EPB41L4B: variants seen among roughly 807,000 people sequenced by gnomAD.
The protein encoded by EPB41L4B is band 4.1-like protein 4B.
A neutral mutation model predicts 112.5 loss-of-function variants in EPB41L4B; 30 were observed. The ratio of observed to expected loss-of-function variants is 0.27; its 90% CI spans 0.20 to 0.36. The LOEUF (loss-of-function observed/expected upper bound fraction) is 0.36. EPB41L4B is among the 10% of genes least tolerant of loss of function. The pLI is 1.00. For missense variants in EPB41L4B, 1,024 were observed against 1,133.3 expected, an observed-to-expected ratio of 0.90 and a Z score of 1.38; for synonymous variants, 408 against 439.7, an observed-to-expected ratio of 0.93 and a Z score of 0.90.
At chr9:109,212,967 A>G (rs1833236759) in intron 17 of EPB41L4B, among the ~76,000 whole-genome samples, 2 of 152,196 alleles carry the variant, frequency 1.3e-5, no homozygotes, top group African/African-American at 4.8e-5. Flanking sequence ...GGCAAAGAAA[A>G]CGAGGAAGCA....
intron 5 of EPB41L4B, among the ~76,000 whole-genome samples, chr9:109,263,485 T>C (rs1205082306): frequency 1.3e-5 from 2 of 152,212 alleles, no homozygotes; most frequent in African/African-American, 4.8e-5. Context: ...TGCCTTCAAA[T>C]CTTTCTTGAA....
At chr9:109,187,068 G>C (rs1245846527) in intron 22 of EPB41L4B, among the ~76,000 whole-genome samples, 1 of 152,194 alleles carries the variant, frequency 6.6e-6, no homozygotes, top group Non-Finnish European at 1.5e-5. Flanking sequence ...GAGGATGCTT[G>C]ATGTTAGGAG....
intron 6 of EPB41L4B, among the ~76,000 whole-genome samples, chr9:109,262,460 T>TGG (rs1218821826): frequency 1.3e-5 from 2 of 151,404 alleles, no homozygotes; most frequent in Admixed American, 1.3e-4. Context: ...GGGGTGTGTG[T>TGG]GTGTGTGTGT....
intron 2 of EPB41L4B, among the ~76,000 whole-genome samples, chr9:109,271,961 A>G (rs1835638151): frequency 6.6e-6 from 1 of 152,218 alleles, no homozygotes; most frequent in African/African-American, 2.4e-5. Flanking sequence ...TTCTGGAAAT[A>G]TGACACCCAT....
chr9:109,285,691 C>G (rs774790444), intron 1 of EPB41L4B, among the ~76,000 whole-genome samples: 4 of 152,106 alleles, frequency 2.6e-5, no homozygotes, highest in Non-Finnish European at 5.9e-5. Flanking sequence ...AAACCACCAT[C>G]TCTCACTCTT....
chr9:109,209,640 C>T (rs1447807658), intron 17 of EPB41L4B, among the ~76,000 whole-genome samples: 1 of 134,902 alleles, frequency 7.4e-6, no homozygotes, highest in Non-Finnish European at 1.6e-5. Context: ...GAGCAAAACC[C>T]TGTCTCAAAA....
rs963361410 is a variant in EPB41L4B at position 109,260,408 on chromosome 9, A to G, written c.632-2111T>C. ...TCTATCTGACATAACAATCAATTGT[A>G]TCTTTTTTTTTTTTTTTTTTTTTTG... On this transcript the variant is annotated intron_variant, in intron 6 of 25. Coordinates refer to ENST00000374566, the MANE Select transcript of EPB41L4B (RefSeq NM_019114.5). Among the ~76,000 whole-genome samples, 83 of 131,514 alleles carry G rather than the reference A, an allele frequency of 6.3e-4. 1 individual carries two copies. Among genetic ancestry groups the G allele is most frequent in the African/African-American group, 2.3e-3 (81 of 35,210 alleles). 86.3% of individuals were successfully genotyped at this position (131,514 alleles called of 152,430 possible). A position where few individuals can be genotyped will look rare whatever the true frequency, so the allele number is the denominator to read the frequency against.
At chr9:109,183,164 G>A (rs1005499370) in intron 23 of EPB41L4B, among the ~76,000 whole-genome samples, 1 of 152,192 alleles carries the variant, frequency 6.6e-6, no homozygotes, top group Non-Finnish European at 1.5e-5. Flanking sequence ...AGTTGCCTGA[G>A]GTGGCTTCTG....
intron 25 of EPB41L4B, among the ~76,000 whole-genome samples, chr9:109,176,082 ACACACACT>A: frequency 7.0e-6 from 1 of 143,200 alleles, no homozygotes; most frequent in South Asian, 2.2e-4. Context: ...ACACACACAC[ACACACACT>A]CATTTGTTGT....
rs1296888372 is a variant in EPB41L4B at position 109,230,965 on chromosome 9, G to A, written c.1409+12653C>T. ...GAGGTCAGGAGTTCGAGACCAGCCT[G>A]GCCAACAATCAGGATGAAAACTCAA... On this transcript the variant is annotated intron_variant, in intron 15 of 25. Coordinates refer to ENST00000374566, the MANE Select transcript of EPB41L4B (RefSeq NM_019114.5). Among the ~76,000 whole-genome samples, 3 of 152,090 alleles carry A rather than the reference G, an allele frequency of 2.0e-5. No individual in the cohort carries two copies. The East Asian group carries it at 5.8e-4, about 29-fold the overall frequency.
Position 109,203,662 on chromosome 9 carries a change from C to T in EPB41L4B, c.1946+1G>A. The T allele has an allele frequency of 6.2e-7, 1 of 1,610,900 alleles. No individual in the cohort carries two copies. Reference sequence around the variant, plus strand: ...CCCCATTCAGACAAGGAGCAACAGACCTTACACTAGCGTCCTGAAGACTGG... The same window carrying T: ...CCCCATTCAGACAAGGAGCAACAGATCTTACACTAGCGTCCTGAAGACTGG... On this transcript the variant is annotated splice_donor_variant, in intron 19 of 25. Coordinates refer to ENST00000374566, the MANE Select transcript of EPB41L4B (RefSeq NM_019114.5). LOFTEE classifies it high-confidence loss of function.
At chr9:109,186,402 G>C (rs771381842) in intron 22 of EPB41L4B, among the ~76,000 whole-genome samples, 1 of 151,892 alleles carries the variant, frequency 6.6e-6, no homozygotes, top group African/African-American at 2.4e-5. Context: ...GGCCAGGCTG[G>C]TCTCAAACTC....
At chr9:109,252,393 C>T (rs1338162920) in intron 12 of EPB41L4B, among the ~76,000 whole-genome samples, 7 of 152,206 alleles carry the variant, frequency 4.6e-5, no homozygotes, top group Admixed American at 2.6e-4. Context: ...CACCCTTCAT[C>T]AACCCATCGC....
intron 15 of EPB41L4B, among the ~76,000 whole-genome samples, chr9:109,226,666 AG>A (rs1833776194): frequency 1.2e-5 from 1 of 82,164 alleles, no homozygotes; most frequent in East Asian, 3.5e-4. Context: ...ATATATATGA[AG>A]AATATATATA....
At position 109,223,238 on chromosome 9, in the gene EPB41L4B, G is replaced by A. The variant is rs377200238; in HGVS notation, c.1410-6093C>T. Among the ~76,000 whole-genome samples the A allele has an allele frequency of 3.6e-4, 54 of 151,948 alleles. 1 individual carries two copies. Among genetic ancestry groups the A allele is most frequent in the Admixed American group, 2.0e-4 (3 of 15,268 alleles). On this transcript the variant is annotated intron_variant, in intron 15 of 25. Transcript: ENST00000374566. ...GAGGATTGCTTGGGCCTAGGAGTTC[G>A]AGACCGGGCAACATGGGGTGATCCC... is the stretch of plus-strand genomic sequence containing the variant.
Position 109,276,154 on chromosome 9 carries a change from TACACACAC to T in EPB41L4B, c.411+3655_411+3662del, listed in dbSNP as rs66791042. On this transcript the variant is annotated intron_variant, in intron 2 of 25. Transcript: ENST00000374566. ...TATACATAATATATACGTGTGTGTA[TACACACAC>T]ACACACACACACACACACACACACA... 9.4e-3 allele frequency among the ~76,000 whole-genome samples: 1,331 copies of T among 141,752 alleles called. 24 individuals carry two copies. Among genetic ancestry groups the T allele is most frequent in the African/African-American group, 0.021 (787 of 38,094 alleles). 93.0% of individuals were successfully genotyped at this position (141,752 alleles called of 152,430 possible).
At position 109,315,481 on chromosome 9, in the gene EPB41L4B, T is replaced by G. The variant is rs555390164; in HGVS notation, c.306+4660A>C. On this transcript the variant is annotated intron_variant, in intron 1 of 25. Coordinates refer to ENST00000374566, the MANE Select transcript of EPB41L4B (RefSeq NM_019114.5). ...GTTCTATTTCCAACTGCCAGGAATG[T>G]ACCCCATCCCTCTTCCATGATCCTG... Among the ~76,000 whole-genome samples the G allele has an allele frequency of 2.6e-5, 4 of 152,344 alleles. No individual in the cohort carries two copies. The East Asian group carries it at 7.7e-4, about 29-fold the overall frequency.
chr9:109,212,888 C>T (rs1833233533), intron 17 of EPB41L4B, among the ~76,000 whole-genome samples: 1 of 152,124 alleles, frequency 6.6e-6, no homozygotes, highest in Non-Finnish European at 1.5e-5. Context: ...TTTTACAATG[C>T]ACAGGACAGC....
intron 15 of EPB41L4B, among the ~76,000 whole-genome samples, chr9:109,238,912 A>C (rs1223719570): frequency 6.6e-6 from 1 of 152,240 alleles, no homozygotes; most frequent in East Asian, 1.9e-4. Context: ...AGGATTTTCA[A>C]CAGTAGGGTG....
Sources: allele counts gnomAD v4.1 joint callset (sites outside exome capture counted in the v4.1 genomes callset), GRCh38; gene constraint gnomAD v4.1.1; transcripts MANE v1.5; gene names NCBI Gene and HGNC (gene_info 2026-07-23, HGNC 2026-07-21).